The following CNTNAP2 variants were observed in gnomAD, a reference collection of about 807,000 sequenced individuals.
The protein encoded by CNTNAP2 is contactin associated protein 2, also known as contactin-associated protein-like 2.
Under a neutral mutation model 155.2 loss-of-function variants are expected in CNTNAP2, and 98 were observed. The observed-to-expected ratio is 0.63, with a 90% confidence interval of 0.54 to 0.75. The LOEUF (loss-of-function observed/expected upper bound fraction) is 0.75. Among genes scored for constraint, CNTNAP2 ranks in the 30% least tolerant of loss-of-function variants. CNTNAP2 has a pLI of 0.00. For missense variants in CNTNAP2, 1,727 were observed against 1,688.1 expected (o/e 1.02, Z -0.40); for synonymous variants, 651 against 631.2 (o/e 1.03, Z -0.47).
chr7:146,868,822 T>C (rs1795253044), intron 3 of CNTNAP2, among the ~76,000 whole-genome samples: 1 of 152,184 alleles, frequency 6.6e-6, no homozygotes, highest in Admixed American at 6.6e-5. Flanking sequence ...TGCTTAGCTG[T>C]TGTTGGTACC....
At chr7:146,556,964 A>G (rs1423266000) in intron 1 of CNTNAP2, among the ~76,000 whole-genome samples, 1 of 152,126 alleles carries the variant, frequency 6.6e-6, no homozygotes, top group African/African-American at 2.4e-5. Flanking sequence ...CTGGTTGATT[A>G]AACACACAGA....
intron 1 of CNTNAP2, among the ~76,000 whole-genome samples, chr7:146,346,492 A>C (rs986584995): frequency 6.6e-6 from 1 of 151,942 alleles, no homozygotes; most frequent in Non-Finnish European, 1.5e-5. Flanking sequence ...AATCAGCCTG[A>C]CCAGCATGGT....
At chr7:146,824,099 A>C (rs1490573836) in intron 2 of CNTNAP2, among the ~76,000 whole-genome samples, 2 of 151,230 alleles carry the variant, frequency 1.3e-5, no homozygotes, top group Non-Finnish European at 2.9e-5. Context: ...ATCTGTTCTC[A>C]TTTTTCAGCT....
At chr7:146,611,895 A>G (rs1029182535) in intron 1 of CNTNAP2, among the ~76,000 whole-genome samples, 1 of 152,196 alleles carries the variant, frequency 6.6e-6, no homozygotes, top group African/African-American at 2.4e-5. Context: ...CTTCTTTTGC[A>G]AAATCACATG....
intron 1 of CNTNAP2, among the ~76,000 whole-genome samples, chr7:146,766,070 C>A (rs552063090): frequency 5.0e-4 from 76 of 152,218 alleles, no homozygotes; most frequent in African/African-American, 1.8e-3. Context: ...CATCAGGAAG[C>A]CTTCAGGGCA....
intron 1 of CNTNAP2, among the ~76,000 whole-genome samples, chr7:146,363,083 T>TA (rs11374191): frequency 0.51 from 76,802 of 152,032 alleles, 23,608 homozygotes; most frequent in African/African-American, 0.87. Flanking sequence ...TAACACCTAT[T>TA]TATACCAGAG....
intron 3 of CNTNAP2, among the ~76,000 whole-genome samples, chr7:146,941,864 GTA>G (rs1797064226): frequency 6.6e-6 from 1 of 151,724 alleles, no homozygotes; most frequent in African/African-American, 2.4e-5. Context: ...CTCCAGTTAG[GTA>G]TATTGGAACT....
chr7:148,385,371 A>C (rs1182094990), intron 22 of CNTNAP2, among the ~76,000 whole-genome samples: 2 of 152,266 alleles, frequency 1.3e-5, no homozygotes, highest in African/African-American at 4.8e-5. Flanking sequence ...CTAATGCTGA[A>C]AGAAGAAAAG....
intron 10 of CNTNAP2, among the ~76,000 whole-genome samples, chr7:147,476,267 A>G (rs62481260): frequency 0.63 from 94,813 of 151,528 alleles, 30,594 homozygotes; most frequent in African/African-American, 0.79. Context: ...CACCATGCCC[A>G]GCTACTTTTT....
At chr7:147,383,877 G>C (rs700298) in intron 9 of CNTNAP2, among the ~76,000 whole-genome samples, 3 of 151,634 alleles carry the variant, frequency 2.0e-5, no homozygotes, top group Non-Finnish European at 4.4e-5. Context: ...CACAAACACA[G>C]CCCCCCCAAC....
chr7:147,319,196 G>C (rs1459823714), intron 9 of CNTNAP2, among the ~76,000 whole-genome samples: 1 of 151,892 alleles, frequency 6.6e-6, no homozygotes, highest in Non-Finnish European at 1.5e-5. Context: ...AATTTTAAAA[G>C]GCTTTATATT....
chr7:146,546,031 G>T lies in CNTNAP2; in HGVS notation c.98-228240G>T, dbSNP rs116266979. 6.9e-3 allele frequency among the ~76,000 whole-genome samples: 1,054 copies of T among 151,948 alleles called. 14 individuals carry two copies. Among genetic ancestry groups the T allele is most frequent in the African/African-American group, 0.024 (1,008 of 41,466 alleles). On this transcript the variant is annotated intron_variant, in intron 1 of 23. Transcript: ENST00000361727. ...AATTCATTTAGAAATGGGCTTCAGG[G>T]GGCTTGTGGCATTCAGAGAAGGCTT...
intron 15 of CNTNAP2, among the ~76,000 whole-genome samples, chr7:148,076,561 G>A (rs1348294924): frequency 4.1e-5 from 6 of 147,158 alleles, no homozygotes; most frequent in South Asian, 2.2e-4. Context: ...TCAGCCTCCC[G>A]AGCAGCTGGG....
At chr7:148,278,726 C>T (rs761076299) in intron 21 of CNTNAP2, among the ~76,000 whole-genome samples, 10 of 152,170 alleles carry the variant, frequency 6.6e-5, no homozygotes, top group Non-Finnish European at 1.0e-4. Flanking sequence ...CTCTCATGAG[C>T]ATAGACAGAA....
chr7:147,898,360 C>T (rs564948881), intron 13 of CNTNAP2, among the ~76,000 whole-genome samples: 1 of 152,220 alleles, frequency 6.6e-6, no homozygotes, highest in East Asian at 1.9e-4. Flanking sequence ...CCAATATGGT[C>T]CCTACTTTTT....
chr7:146,384,455 T>C (rs1430868445), intron 1 of CNTNAP2, among the ~76,000 whole-genome samples: 2 of 152,292 alleles, frequency 1.3e-5, no homozygotes, highest in East Asian at 3.9e-4. Flanking sequence ...CAAAGACAAA[T>C]ACTTATTAAT....
chr7:148,057,769 G>A (rs928609205), intron 15 of CNTNAP2, among the ~76,000 whole-genome samples: 1 of 152,064 alleles, frequency 6.6e-6, no homozygotes, highest in Non-Finnish European at 1.5e-5. Flanking sequence ...AGACAAGCAT[G>A]GGATTTAGAG....
chr7:147,472,619 G>A (rs986371998), intron 10 of CNTNAP2, among the ~76,000 whole-genome samples: 1 of 152,168 alleles, frequency 6.6e-6, no homozygotes, highest in African/African-American at 2.4e-5. Flanking sequence ...TAGTCAAGAA[G>A]CTGCAAAATG....
At chr7:146,339,045 C>T (rs62503480) in intron 1 of CNTNAP2, among the ~76,000 whole-genome samples, 25,594 of 151,890 alleles carry the variant, frequency 0.17, 2,328 homozygotes, top group African/African-American at 0.22. Context: ...ATTAGCTGGG[C>T]GTGGTGGCAG....
Sources: allele counts gnomAD v4.1 joint callset (sites outside exome capture counted in the v4.1 genomes callset), GRCh38; gene constraint gnomAD v4.1.1; transcripts MANE v1.5; gene names NCBI Gene and HGNC (gene_info 2026-07-23, HGNC 2026-07-21).